Variants in PCDH15 observed in about 807,000 individuals in gnomAD.
PCDH15 encodes the protein protocadherin-15.
PCDH15 carries 129 observed loss-of-function variants against 178.5 expected under a neutral mutation model. The ratio of observed to expected loss-of-function variants is 0.72; its 90% confidence interval spans 0.63 to 0.84. The LOEUF (loss-of-function observed/expected upper bound fraction) is 0.84, where lower values mean the gene tolerates loss of function less well. PCDH15 is among the 40% of genes least tolerant of loss of function. The pLI is 0.00. For missense variants in PCDH15, 2,230 were observed against 2,099.9 expected, an observed-to-expected ratio of 1.06 and a Z score of -1.21; for synonymous variants, 800 against 732.0, an observed-to-expected ratio of 1.09 and a Z score of -1.50.
At chr10:54,976,478 C>T (rs903658077) in intron 2 of PCDH15, among the ~76,000 whole-genome samples, 2 of 152,090 alleles carry the variant, frequency 1.3e-5, no homozygotes, top group Non-Finnish European at 2.9e-5. Context: ...GGAAAGGGTG[C>T]TGCTGATTGG....
At chr10:54,176,849 G>T (rs1280212615) in intron 13 of PCDH15, among the ~76,000 whole-genome samples, 1 of 152,060 alleles carries the variant, frequency 6.6e-6, no homozygotes, top group Non-Finnish European at 1.5e-5. Context: ...AGTCACCTTA[G>T]AAGACAGCTT....
chr10:55,232,896 T>C (rs981635073), intron 1 of PCDH15, among the ~76,000 whole-genome samples: 6 of 152,118 alleles, frequency 3.9e-5, no homozygotes, highest in Non-Finnish European at 7.3e-5. Flanking sequence ...GCTGAGATCT[T>C]GATTGTGGCC....
In PCDH15 at chr10:53,974,897, C is replaced by T. The variant is rs1029295744; in HGVS notation, c.2869-13005G>A. Among the ~76,000 whole-genome samples, 4 of 151,840 alleles carry T rather than the reference C, an allele frequency of 2.6e-5. No homozygotes were observed. The East Asian group carries it at 7.7e-4, about 29-fold the overall frequency. On this transcript the variant is annotated intron_variant, in intron 21 of 37. Transcript: ENST00000644397. ...AGTCATCGAGGTAGTGAGCATAGTA[C>T]TCAATATGTAGTTTTTCAGCTCTTG... is the stretch of plus-strand genomic sequence containing the variant.
intron 1 of PCDH15, among the ~76,000 whole-genome samples, chr10:54,705,572 C>T (rs1227864071): frequency 6.6e-6 from 1 of 151,952 alleles, no homozygotes; most frequent in Non-Finnish European, 1.5e-5. Context: ...GTTTTTACAA[C>T]CTTTTGAATT....
At chr10:55,064,909 G>T (rs1841524214) in intron 2 of PCDH15, among the ~76,000 whole-genome samples, 2 of 151,876 alleles carry the variant, frequency 1.3e-5, no homozygotes, top group Admixed American at 1.3e-4. Flanking sequence ...TTTTTAACAG[G>T]CTCCCAAATC....
At chr10:55,291,042 G>A (rs1162534849) in intron 1 of PCDH15, among the ~76,000 whole-genome samples, 3 of 152,168 alleles carry the variant, frequency 2.0e-5, no homozygotes, top group Admixed American at 6.6e-5. Flanking sequence ...AAATTCTGGT[G>A]TTTATAATGA....
intron 2 of PCDH15, among the ~76,000 whole-genome samples, chr10:54,986,686 A>T (rs956696645): frequency 1.3e-5 from 2 of 152,202 alleles, no homozygotes; most frequent in African/African-American, 4.8e-5. Context: ...AAGCCAAGCT[A>T]TTAAACTTCC....
chr10:54,208,923 T>C (rs892874439), intron 10 of PCDH15, among the ~76,000 whole-genome samples: 5 of 152,036 alleles, frequency 3.3e-5, no homozygotes, highest in African/African-American at 1.2e-4. Context: ...ATGGACCCTG[T>C]TCAACCTCAC....
At chr10:55,247,983 T>C (rs892989500) in intron 1 of PCDH15, 1 of 150,642 alleles carries the variant, frequency 6.6e-6, no homozygotes, top group African/African-American at 2.4e-5. Context: ...TTGGGCTTTT[T>C]TTTTTTTTTA....
At chr10:55,398,673 G>T (rs1837987627) in intron 2 of PCDH15, among the ~76,000 whole-genome samples, 1 of 151,964 alleles carries the variant, frequency 6.6e-6, no homozygotes, top group South Asian at 2.1e-4. Flanking sequence ...CCCTTTCATT[G>T]CACTACTCAC....
intron 21 of PCDH15, among the ~76,000 whole-genome samples, chr10:53,977,938 T>C (rs1379516536): frequency 6.6e-6 from 1 of 152,212 alleles, no homozygotes; most frequent in African/African-American, 2.4e-5. Flanking sequence ...CAGGTCTCAC[T>C]GATGCTAGAA....
chr10:54,628,196 C>T (rs1004575461), intron 2 of PCDH15, among the ~76,000 whole-genome samples: 2 of 152,046 alleles, frequency 1.3e-5, no homozygotes, highest in African/African-American at 4.8e-5. Context: ...AATGTGTGGG[C>T]AAAGCAAAGA....
intron 2 of PCDH15, among the ~76,000 whole-genome samples, chr10:55,127,160 A>G (rs7092223): frequency 0.62 from 93,852 of 151,842 alleles, 29,251 homozygotes; most frequent in Middle Eastern, 0.69. Flanking sequence ...CAATTGACAC[A>G]AGATCTACTT....
intron 2 of PCDH15, among the ~76,000 whole-genome samples, chr10:54,533,239 C>T (rs1197397641): frequency 6.6e-6 from 1 of 152,026 alleles, no homozygotes; most frequent in Non-Finnish European, 1.5e-5. Context: ...CATTTTATGT[C>T]ATTTCATTGA....
intron 2 of PCDH15, among the ~76,000 whole-genome samples, chr10:54,548,143 A>G (rs1373430509): frequency 6.8e-6 from 1 of 147,066 alleles, no homozygotes; most frequent in Non-Finnish European, 1.5e-5. Flanking sequence ...CCATATATAT[A>G]TATGTTTTAT....
chr10:54,589,489 G>T (rs372892737), intron 2 of PCDH15, among the ~76,000 whole-genome samples: 1 of 152,120 alleles, frequency 6.6e-6, no homozygotes, highest in East Asian at 1.9e-4. Flanking sequence ...CCTATCACCT[G>T]TTGGCATATT....
chr10:54,442,993 C>A (rs2075922819), intron 3 of PCDH15, among the ~76,000 whole-genome samples: 1 of 151,646 alleles, frequency 6.6e-6, no homozygotes, highest in Non-Finnish European at 1.5e-5. Flanking sequence ...GATCTCAGCA[C>A]AACAGAGCTC....
chr10:54,236,976 A>G, intron 8 of PCDH15, 45 bp from the exon 9 acceptor site: 1 of 1,425,096 alleles, frequency 7.0e-7, no homozygotes, highest in Non-Finnish European at 9.9e-7. Flanking sequence ...CATTACTAAT[A>G]CTTCATGAAG....
At chr10:54,700,009 G>A (rs1047438012) in intron 1 of PCDH15, among the ~76,000 whole-genome samples, 15 of 151,880 alleles carry the variant, frequency 9.9e-5, no homozygotes, top group Non-Finnish European at 2.1e-4. Context: ...CCTCTCCATT[G>A]CAGCAGGTTC....
Sources: gnomAD v4.1 joint callset for allele counts (sites outside exome capture counted in the v4.1 genomes callset) on GRCh38, gnomAD v4.1.1 for gene constraint, MANE v1.5 for transcripts, NCBI Gene and HGNC (gene_info 2026-07-23, HGNC 2026-07-21) for gene names.